Variants in C7orf57 observed in about 807,000 individuals in gnomAD.
C7orf57 encodes the protein chromosome 7 open reading frame 57.
C7orf57 carries 33 observed loss-of-function variants against 39.0 expected under a neutral mutation model. The ratio of observed to expected loss-of-function variants is 0.85; its 90% CI spans 0.64 to 1.13. The LOEUF (loss-of-function observed/expected upper bound fraction) is 1.13, where lower values mean the gene tolerates loss of function less well. C7orf57 is among the 50% of genes most tolerant of loss of function. The pLI is 0.00. For synonymous variants in C7orf57, 124 were observed against 137.1 expected, an observed-to-expected ratio of 0.90 and a Z score of 0.67; for missense variants, 346 against 362.3, an observed-to-expected ratio of 0.95 and a Z score of 0.37.
rs1180826658 is a variant in C7orf57, at chr7:48,046,393, A to G, written c.351-67A>G. On this transcript the variant is annotated intron_variant, in intron 4 of 8. Coordinates refer to ENST00000348904, the MANE Select transcript of C7orf57 (RefSeq NM_001100159.3). ...GGGAAAGGGAGAGCCAGCGATGGAGATGGAAGGAAGGGAGGGAGTGGAAAT... is the reference window on the plus strand; with the variant it reads ...GGGAAAGGGAGAGCCAGCGATGGAGGTGGAAGGAAGGGAGGGAGTGGAAAT... 4 of 1,467,780 alleles carry G rather than the reference A, an allele frequency of 2.7e-6. No individual in the cohort carries two copies. The African/African-American group carries it at 5.6e-5, about 21-fold the overall frequency. 90.9% of individuals were successfully genotyped at this position (1,467,780 alleles called of 1,614,324 possible). A position where few individuals can be genotyped will look rare whatever the true frequency, so the allele number is the denominator to read the frequency against.
chr7:48,059,901 C>T (rs1056470142), intron 8 of C7orf57, among the ~76,000 whole-genome samples: 2 of 152,162 alleles, frequency 1.3e-5, no homozygotes, highest in Non-Finnish European at 2.9e-5. Flanking sequence ...TCGCCTTGCC[C>T]AGGCTGTGCT....
At chr7:48,054,505 A>C in intron 7 of C7orf57, 90 bp from the exon 8 acceptor site, 1 of 1,130,300 alleles carries the variant, frequency 8.8e-7, no homozygotes. Context: ...AGTAATACAG[A>C]ATTTTCATTA....
At chr7:48,044,161 C>A (rs6979699) in intron 4 of C7orf57, among the ~76,000 whole-genome samples, 2 of 151,952 alleles carry the variant, frequency 1.3e-5, no homozygotes, top group African/African-American at 4.8e-5. Flanking sequence ...TGGGTGCCTC[C>A]CTGGATCAGA....
At chr7:48,057,064 TG>T (rs1791136644) in intron 8 of C7orf57, among the ~76,000 whole-genome samples, 1 of 126,626 alleles carries the variant, frequency 7.9e-6, no homozygotes, top group Non-Finnish European at 1.9e-5. Context: ...GCCATATATC[TG>T]TTTTTTTTTT....
chr7:48,052,247 A>G (rs1790975564), intron 6 of C7orf57, among the ~76,000 whole-genome samples: 1 of 152,110 alleles, frequency 6.6e-6, no homozygotes, highest in Admixed American at 6.5e-5. Flanking sequence ...CTAGGATTAT[A>G]GGCGTGAGCC....
In C7orf57 at chr7:48,050,006, C is replaced by A; in HGVS notation, c.605+29C>A. 2.0e-6 allele frequency: 3 copies of A among 1,502,682 alleles called. No individual in the cohort carries two copies. The South Asian group carries it at 3.4e-5, about 17-fold the overall frequency. 93.1% of individuals were successfully genotyped at this position (1,502,682 alleles called of 1,614,324 possible). A position where few individuals can be genotyped will look rare whatever the true frequency, so the allele number is the denominator to read the frequency against. ...AGTGCTTGAGCTACGCCCTCACTGTCTGGACTGGGTTTGGGTTTGGCCTTC... is the reference window on the plus strand; with the variant it reads ...AGTGCTTGAGCTACGCCCTCACTGTATGGACTGGGTTTGGGTTTGGCCTTC... On this transcript the variant is annotated intron_variant, in intron 6 of 8. Transcript: ENST00000348904.
chr7:48,052,001 T>G (rs1790966719), intron 6 of C7orf57, among the ~76,000 whole-genome samples: 1 of 148,320 alleles, frequency 6.7e-6, no homozygotes, highest in Non-Finnish European at 1.5e-5. Context: ...TGAGACAGAG[T>G]CTCGCTCTGT....
chr7:48,045,760 A>T (rs946772151), intron 4 of C7orf57, among the ~76,000 whole-genome samples: 3 of 152,120 alleles, frequency 2.0e-5, no homozygotes, highest in Non-Finnish European at 2.9e-5. Context: ...GGTTATGTGT[A>T]CAGATGGTAC....
chr7:48,049,672 C>A (rs2128795022), intron 5 of C7orf57, among the ~76,000 whole-genome samples: 1 of 152,256 alleles, frequency 6.6e-6, no homozygotes. Flanking sequence ...AATATAGCAA[C>A]TGCTTTTGAG....
chr7:48,036,233 C>T lies in C7orf57; in HGVS notation c.-76C>T. 2.0e-6 allele frequency: 3 copies of T among 1,482,306 alleles called. No individual in the cohort carries two copies. The highest frequency in any genetic ancestry group is 2.8e-6 in the Non-Finnish European group (3 of 1,084,054). 91.8% of individuals were successfully genotyped at this position (1,482,306 alleles called of 1,614,324 possible). On this transcript the variant is annotated 5_prime_UTR_variant, in exon 2 of 9. Coordinates refer to ENST00000348904, the MANE Select transcript of C7orf57 (RefSeq NM_001100159.3). ...CTGCAGCTCCTGGCAACTGGTCAAG[C>T]AGGCAGCGTCCAGCGCACCCGCGAA...
At position 48,052,610 on chromosome 7, in the gene C7orf57, A is replaced by G. The variant is rs1790988322; in HGVS notation, c.606-90A>G. 3 of 1,039,812 alleles carry G rather than the reference A, an allele frequency of 2.9e-6. No individual in the cohort carries two copies. In the Admixed American group the frequency reaches 5.8e-5, roughly 20 times the overall value. 64.4% of individuals were successfully genotyped at this position (1,039,812 alleles called of 1,614,324 possible). A position where few individuals can be genotyped will look rare whatever the true frequency, so the allele number is the denominator to read the frequency against. Reference sequence around the variant, plus strand: ...TTGTTAGGTTTAAAGGGACAGTGACACCTCCTATTTGGTGTGTTCACGGAA... The same window carrying G: ...TTGTTAGGTTTAAAGGGACAGTGACGCCTCCTATTTGGTGTGTTCACGGAA... On this transcript the variant is annotated intron_variant, in intron 6 of 8. Coordinates refer to ENST00000348904, the MANE Select transcript of C7orf57 (RefSeq NM_001100159.3).
intron 5 of C7orf57, among the ~76,000 whole-genome samples, chr7:48,048,405 A>C (rs1478061637): frequency 6.6e-6 from 1 of 152,106 alleles, no homozygotes; most frequent in African/African-American, 2.4e-5. Context: ...GGGCACATGT[A>C]TTGCCTGTTG....
In C7orf57 at chr7:48,035,737, A is replaced by G. The variant is rs545976248; in HGVS notation, c.-102+107A>G. 2.9e-4 allele frequency: 171 copies of G among 583,828 alleles called. No homozygotes were observed. In the African/African-American group the frequency reaches 3.2e-3, roughly 11 times the overall value. 36.2% of individuals were successfully genotyped at this position (583,828 alleles called of 1,614,324 possible). On this transcript the variant is annotated intron_variant, in intron 1 of 8. Transcript: ENST00000348904. The surrounding 1 kb of genome is among the most constrained non-coding windows in gnomAD (Gnocchi z 4.0). ...GGCAGTGCGCGCCGGGGCTGGAGGG[A>G]GGGGACCACCTTGTCGCCGGGTTGG...
In C7orf57 at chr7:48,052,918, C is replaced by T. The variant is rs1791002808; in HGVS notation, c.824C>T (p.Thr275Ile). ...GAGGCTTCTGAAGGTCCTGAGGACACCCCAGGTGAGGCACAAGCAGCCATC... is the reference window on the plus strand; with the variant it reads ...GAGGCTTCTGAAGGTCCTGAGGACATCCCAGGTGAGGCACAAGCAGCCATC... ...DAEASEGPED[T>I]PESSQSPEES... The change falls in exon 7 of 9, where the codon ACC (threonine) becomes ATC (isoleucine). Residue 275 changes from threonine (T) to isoleucine (I), a missense_variant. Coordinates refer to ENST00000348904, the MANE Select transcript of C7orf57 (RefSeq NM_001100159.3). The T allele has an allele frequency of 6.2e-7, 1 of 1,611,722 alleles. No homozygotes were observed. The highest frequency in any genetic ancestry group is 8.5e-7 in the Non-Finnish European group (1 of 1,178,156).
At position 48,043,578 on chromosome 7, in the gene C7orf57, C is replaced by T. The variant is rs767008613; in HGVS notation, c.339C>T (p.Ala113=). Residue 113 remains alanine, a synonymous_variant, in exon 4 of 9, where the codon GCC becomes GCT. Coordinates refer to ENST00000348904, the MANE Select transcript of C7orf57 (RefSeq NM_001100159.3). The part of the protein sequence containing the change: ...WYIHHSKPPT[A]SQQEVRAVSM... The stretch of plus-strand genomic sequence containing the variant: ...TCCACCACAGCAAGCCACCGACAGC[C>T]AGCCAGCAAGAGTAAGTACCTTAAA... 17 of 1,613,580 alleles carry T rather than the reference C, an allele frequency of 1.1e-5. No individual in the cohort carries two copies. The East Asian group carries it at 3.8e-4, about 36-fold the overall frequency.
chr7:48,038,819 T>A (rs1335136995), intron 2 of C7orf57, among the ~76,000 whole-genome samples: 1 of 152,172 alleles, frequency 6.6e-6, no homozygotes, highest in Non-Finnish European at 1.5e-5. Context: ...AAGGTATACA[T>A]TGATTCAGTT....
At chr7:48,046,731 G>A in intron 5 of C7orf57, 115 bp downstream of exon 5, 3 of 1,121,272 alleles carry the variant, frequency 2.7e-6, no homozygotes, top group Non-Finnish European at 3.8e-6. Context: ...CGTGGCATCG[G>A]CCACGTGCTC....
At chr7:48,053,083 G>C (rs145942464) in intron 7 of C7orf57, 160 bp downstream of exon 7, 1 of 709,548 alleles carries the variant, frequency 1.4e-6, no homozygotes, top group South Asian at 1.5e-5. Flanking sequence ...ATAAGCAAGA[G>C]AGTAATACAT....
At chr7:48,040,446 A>T (rs1016397110) in intron 2 of C7orf57, among the ~76,000 whole-genome samples, 2 of 152,250 alleles carry the variant, frequency 1.3e-5, no homozygotes, top group African/African-American at 2.4e-5. Context: ...CTGAATTTCC[A>T]GCTGAGATGT....
Sources: gnomAD v4.1 joint callset for allele counts (sites outside exome capture counted in the v4.1 genomes callset) on GRCh38, gnomAD v4.1.1 for gene constraint, Gnocchi (gnomAD v3.1) non-coding constraint, MANE v1.5 for transcripts, NCBI Gene and HGNC (gene_info 2026-07-23, HGNC 2026-07-21) for gene names.